The following RIMS2 variants were observed in gnomAD, a reference collection of about 807,000 sequenced individuals.
RIMS2 encodes the protein regulating synaptic membrane exocytosis protein 2.
RIMS2 carries 59 observed loss-of-function variants against 174.4 expected under a neutral mutation model. The observed-to-expected ratio is 0.34, with a 90% CI of 0.27 to 0.42. RIMS2 has a LOEUF of 0.42. RIMS2 is among the 10% of genes least tolerant of loss of function. The pLI is 1.00. For missense variants in RIMS2, 1,620 were observed against 1,666.3 expected, an observed-to-expected ratio of 0.97 and a Z score of 0.48; for synonymous variants, 606 against 572.5, an observed-to-expected ratio of 1.06 and a Z score of -0.84.
At chr8:103,693,556 A>T (rs1051685177) in intron 1 of RIMS2, among the ~76,000 whole-genome samples, 6 of 152,120 alleles carry the variant, frequency 3.9e-5, no homozygotes, top group Admixed American at 1.3e-4. Flanking sequence ...ATGTCTGTGC[A>T]TGTAGGAAGT....
At chr8:103,794,565 A>C (rs1288686130) in intron 3 of RIMS2, among the ~76,000 whole-genome samples, 3 of 152,238 alleles carry the variant, frequency 2.0e-5, no homozygotes, top group African/African-American at 7.2e-5. Flanking sequence ...ATGGCAACAA[A>C]AGCCAGAATA....
At chr8:104,090,229 C>A (rs939082663) in intron 19 of RIMS2, among the ~76,000 whole-genome samples, 1 of 151,728 alleles carries the variant, frequency 6.6e-6, no homozygotes, top group Non-Finnish European at 1.5e-5. Flanking sequence ...TATAGGGAAT[C>A]TTTCCTTAAA....
chr8:103,850,788 C>A (rs374078266), intron 3 of RIMS2, among the ~76,000 whole-genome samples: 42 of 152,140 alleles, frequency 2.8e-4, no homozygotes, highest in African/African-American at 9.4e-4. Context: ...TGTACCAGAT[C>A]TGCTCTGTTG....
At chr8:104,190,088 A>C (rs1219706516) in intron 19 of RIMS2, among the ~76,000 whole-genome samples, 1 of 151,990 alleles carries the variant, frequency 6.6e-6, no homozygotes, top group Non-Finnish European at 1.5e-5. Flanking sequence ...GGATTACTTG[A>C]GGCCAGAAGT....
intron 1 of RIMS2, among the ~76,000 whole-genome samples, chr8:103,584,832 C>T (rs1030768492): frequency 1.3e-5 from 2 of 152,106 alleles, no homozygotes; most frequent in Non-Finnish European, 2.9e-5. Flanking sequence ...AAGAGAAGAT[C>T]ACAGACAACC....
intron 1 of RIMS2, among the ~76,000 whole-genome samples, chr8:103,687,336 A>G (rs943672247): frequency 2.7e-5 from 4 of 150,362 alleles, no homozygotes; most frequent in Admixed American, 6.6e-5. Context: ...TTTTTTCATC[A>G]TTCTAACTCG....
At chr8:103,726,288 A>G (rs1179747705) in intron 2 of RIMS2, among the ~76,000 whole-genome samples, 1 of 152,220 alleles carries the variant, frequency 6.6e-6, no homozygotes, top group Non-Finnish European at 1.5e-5. Context: ...TTGTAAGTCA[A>G]GGAGCATCTG....
At chr8:103,803,482 T>A (rs1238778723) in intron 3 of RIMS2, among the ~76,000 whole-genome samples, 1 of 152,154 alleles carries the variant, frequency 6.6e-6, no homozygotes, top group African/African-American at 2.4e-5. Flanking sequence ...GATAAAAAAA[T>A]TTAAATATGC....
At chr8:103,915,527 G>C in exon 7 of RIMS2, 1 of 1,606,060 alleles carries the variant, frequency 6.2e-7, no homozygotes, top group African/African-American at 1.3e-5. Flanking sequence ...AATCAGGTCG[G>C]CTTTGTGCAT....
chr8:104,197,777 A>G (rs951221543), intron 19 of RIMS2, among the ~76,000 whole-genome samples: 2 of 152,082 alleles, frequency 1.3e-5, no homozygotes, highest in South Asian at 2.1e-4. Flanking sequence ...GTATAGGTGG[A>G]TGGAAAAGGA....
In RIMS2 at chr8:103,532,442, G is replaced by A. The variant is rs141136671; in HGVS notation, c.176+31380G>A. On this transcript the variant is annotated intron_variant, in intron 1 of 23. Transcript: ENST00000504942. ...ATCTGTTAATAATATCTGATCCAGA[G>A]AATGGATCAGATATTACAGTGCATA... is the stretch of plus-strand genomic sequence containing the variant. 2.6e-3 allele frequency among the ~76,000 whole-genome samples: 394 copies of A among 152,316 alleles called. 2 individuals carry two copies. The Middle Eastern group carries it at 0.085, about 33-fold the overall frequency.
chr8:103,737,175 CTTTTTTTTTTTTTT>C (rs554949027), intron 2 of RIMS2, among the ~76,000 whole-genome samples: 1 of 67,510 alleles, frequency 1.5e-5, no homozygotes. Flanking sequence ...TTTCTTTGTT[CTTTTTTTTTTTTTT>C]TTTTTTTTTT....
intron 3 of RIMS2, among the ~76,000 whole-genome samples, chr8:103,800,477 G>T (rs77845974): frequency 0.01 from 1,571 of 152,156 alleles, 30 homozygotes; most frequent in African/African-American, 0.036. Flanking sequence ...TTCCATAGAT[G>T]TCCTTTATTA....
chr8:104,019,473 A>G (rs1042753335), intron 19 of RIMS2, among the ~76,000 whole-genome samples: 1 of 152,106 alleles, frequency 6.6e-6, no homozygotes, highest in African/African-American at 2.4e-5. Context: ...CATATATTGT[A>G]CATAAGATAT....
chr8:104,019,463 C>T (rs1198422997), intron 19 of RIMS2, among the ~76,000 whole-genome samples: 3 of 152,026 alleles, frequency 2.0e-5, no homozygotes, highest in African/African-American at 7.2e-5. Flanking sequence ...AATGCCATTA[C>T]ATATATTGTA....
intron 1 of RIMS2, among the ~76,000 whole-genome samples, chr8:103,604,295 G>T (rs1157889315): frequency 6.6e-6 from 1 of 151,654 alleles, no homozygotes; most frequent in Non-Finnish European, 1.5e-5. Flanking sequence ...GTTTGTCAAA[G>T]ATCAGATAGT....
chr8:103,978,719 TAGAA>T (rs1350438586), intron 16 of RIMS2, among the ~76,000 whole-genome samples: 1 of 152,210 alleles, frequency 6.6e-6, no homozygotes, highest in African/African-American at 2.4e-5. Flanking sequence ...GACAGGGTTA[TAGAA>T]AGAAAGAAAT....
At chr8:103,807,068 T>C (rs1291315045) in intron 3 of RIMS2, among the ~76,000 whole-genome samples, 1 of 152,074 alleles carries the variant, frequency 6.6e-6, no homozygotes, top group East Asian at 1.9e-4. Context: ...ACAGAAGATA[T>C]TTAAAGCCAT....
intron 1 of RIMS2, among the ~76,000 whole-genome samples, chr8:103,560,288 G>A (rs1343745559): frequency 1.3e-5 from 2 of 152,134 alleles, no homozygotes; most frequent in Admixed American, 1.3e-4. Flanking sequence ...TGAGGTAGGA[G>A]AATCACTGAA....
Sources: gnomAD v4.1 joint callset for allele counts (sites outside exome capture counted in the v4.1 genomes callset) on GRCh38, gnomAD v4.1.1 for gene constraint, MANE v1.5 for transcripts, NCBI Gene and HGNC (gene_info 2026-07-23, HGNC 2026-07-21) for gene names.